OSBPL5: variants seen among roughly 807,000 people sequenced by gnomAD.
OSBPL5 encodes the protein oxysterol binding protein like 5.
Under a neutral mutation model 111.2 loss-of-function variants are expected in OSBPL5, and 71 were observed. The ratio of observed to expected loss-of-function variants is 0.64; its 90% CI spans 0.53 to 0.78. OSBPL5 has a LOEUF of 0.78. OSBPL5 is among the 30% of genes least tolerant of loss of function. The probability of loss-of-function intolerance (pLI) is 0.00; values close to 1 mark genes in which losing one functional copy is unlikely to be tolerated. For missense variants in OSBPL5, 1,210 were observed against 1,189.3 expected (o/e 1.02, Z -0.26); for synonymous variants, 549 against 513.9 (o/e 1.07, Z -0.93).
chr11:3,096,001 C>A (rs1218501644), intron 14 of OSBPL5, among the ~76,000 whole-genome samples: 1 of 151,652 alleles, frequency 6.6e-6, no homozygotes, highest in East Asian at 1.9e-4. Context: ...GAGATCAAAT[C>A]AATTCGTGGT....
chr11:3,092,674 C>T lies in OSBPL5; in HGVS notation c.2133-116G>A. 1 of 1,392,862 alleles carries T rather than the reference C, an allele frequency of 7.2e-7. No individual in the cohort carries two copies. Among genetic ancestry groups the T allele is most frequent in the Non-Finnish European group, 9.6e-7 (1 of 1,045,424 alleles). 86.3% of individuals were successfully genotyped at this position (1,392,862 alleles called of 1,614,324 possible). On this transcript the variant is annotated intron_variant, in intron 18 of 21. Coordinates refer to ENST00000263650, the MANE Select transcript of OSBPL5 (RefSeq NM_020896.4). This position sits in a 1 kb window ranked among gnomAD's most constrained non-coding sequence, Gnocchi z 5.4. ...CCAGAGACCTCCAGGAGAATGACCA[C>T]TGCCCACACCCCATGGGCAGGGCCT...
chr11:3,128,538 C>G (rs1858714173), intron 2 of OSBPL5, among the ~76,000 whole-genome samples: 1 of 152,196 alleles, frequency 6.6e-6, no homozygotes, highest in African/African-American at 2.4e-5. Flanking sequence ...TGCACGAAGG[C>G]AGGCCTGGTT....
rs770200561 is a variant in OSBPL5 at position 3,092,525 on chromosome 11, G to C, written c.2166C>G (p.Ala722=). 1.3e-6 allele frequency: 2 copies of C among 1,589,416 alleles called. No homozygotes were observed. The highest frequency in any genetic ancestry group is 2.3e-5 in the East Asian group (1 of 43,752). Reference sequence around the variant, plus strand: ...GCAGGATCCCGTCTTGCTCAAACTGGGCGATGTCCTTCAGGGGGTCCCAGG... The same window carrying C: ...GCAGGATCCCGTCTTGCTCAAACTGCGCGATGTCCTTCAGGGGGTCCCAGG... ...HSPWDPLKDI[A]QFEQDGILRT... The change falls in exon 19 of 22, where the codon GCC becomes GCG. Residue 722 remains alanine, a synonymous_variant. Coordinates refer to ENST00000263650, the MANE Select transcript of OSBPL5 (RefSeq NM_020896.4). The surrounding 1 kb of genome is among the most constrained non-coding windows in gnomAD (Gnocchi z 5.4).
In OSBPL5 at chr11:3,161,215, G is replaced by A. The variant is rs537198534; in HGVS notation, c.-22+4001C>T. On this transcript the variant is annotated intron_variant, in intron 1 of 21. Coordinates refer to ENST00000263650, the MANE Select transcript of OSBPL5 (RefSeq NM_020896.4). The surrounding 1 kb of genome is among the most constrained non-coding windows in gnomAD (Gnocchi z 8.0). Reference sequence around the variant, plus strand: ...CTTTCCCCTTCATCCTTGTCTTCGTGTCAGCAGGGTGAGAGGGGATCTATG... The same window carrying A: ...CTTTCCCCTTCATCCTTGTCTTCGTATCAGCAGGGTGAGAGGGGATCTATG... The A allele has an allele frequency of 6.6e-5, 10 of 152,368 alleles. No homozygotes were observed. In the South Asian group the frequency reaches 1.9e-3, roughly 28 times the overall value. The allele number at this position is 152,368 out of a possible 1,614,324, so 9.4% of individuals were successfully genotyped here. A position where few individuals can be genotyped will look rare whatever the true frequency, so the allele number is the denominator to read the frequency against.
chr11:3,104,460 G>A lies in OSBPL5; in HGVS notation c.1060-83C>T. 10 of 1,495,324 alleles carry A rather than the reference G, an allele frequency of 6.7e-6. 1 individual carries two copies. In the South Asian group the frequency reaches 1.2e-4, roughly 18 times the overall value. The allele number at this position is 1,495,324 out of a possible 1,614,324, so 92.6% of individuals were successfully genotyped here. ...CGGGACAGTGGCAGCTCTGGCTGGA[G>A]GAGGCTGTACCTGCCACCCCTTAGG... On this transcript the variant is annotated intron_variant, in intron 9 of 21. Transcript: ENST00000263650. The surrounding 1 kb of genome is among the most constrained non-coding windows in gnomAD (Gnocchi z 5.0).
chr11:3,091,758 G>A (rs925319866), intron 19 of OSBPL5, among the ~76,000 whole-genome samples: 1 of 152,188 alleles, frequency 6.6e-6, no homozygotes, highest in Admixed American at 6.5e-5. Context: ...CAGCTTGCTG[G>A]AGAAGTTAGG....
At chr11:3,088,450 G>T in intron 21 of OSBPL5, 107 bp from the exon 22 acceptor site, 1 of 1,267,280 alleles carries the variant, frequency 7.9e-7, no homozygotes. Context: ...TGGACACAGG[G>T]CCGAGGTGGA....
intron 1 of OSBPL5, among the ~76,000 whole-genome samples, chr11:3,143,419 T>G (rs1033800040): frequency 2.0e-5 from 3 of 152,170 alleles, no homozygotes; most frequent in Admixed American, 2.0e-4. Flanking sequence ...CCCAGCAGCA[T>G]GGCTCAGGGC....
chr11:3,126,600 G>T lies in OSBPL5; in HGVS notation c.137-45C>A. On this transcript the variant is annotated intron_variant, in intron 2 of 21. Coordinates refer to ENST00000263650, the MANE Select transcript of OSBPL5 (RefSeq NM_020896.4). The surrounding 1 kb of genome is among the most constrained non-coding windows in gnomAD (Gnocchi z 6.5). ...GTGAGGACCCAGGCATGGTGGCGTG[G>T]CCAGGCTTCTCAGGCCGCTGCCTGG... 1 of 1,539,418 alleles carries T rather than the reference G, an allele frequency of 6.5e-7. No homozygotes were observed. The highest frequency in any genetic ancestry group is 8.8e-7 in the Non-Finnish European group (1 of 1,136,330).
Position 3,161,046 on chromosome 11 carries a change from G to A in OSBPL5, c.-22+4170C>T, listed in dbSNP as rs188839951. ...TCCCCTGGCCTTGGATGAAGGGAAGGCGACCCCAGGCTGGTCACAACAGGC... is the reference window on the plus strand; with the variant it reads ...TCCCCTGGCCTTGGATGAAGGGAAGACGACCCCAGGCTGGTCACAACAGGC... On this transcript the variant is annotated intron_variant, in intron 1 of 21. Transcript: ENST00000263650. The surrounding 1 kb of genome is among the most constrained non-coding windows in gnomAD (Gnocchi z 8.0). 2.6e-5 allele frequency: 4 copies of A among 152,326 alleles called. No homozygotes were observed. The highest frequency in any genetic ancestry group is 2.6e-4 in the Admixed American group (4 of 15,314). 9.4% of individuals were successfully genotyped at this position (152,326 alleles called of 1,614,324 possible). A position where few individuals can be genotyped will look rare whatever the true frequency, so the allele number is the denominator to read the frequency against.
Position 3,093,824 on chromosome 11 carries a change from C to A in OSBPL5, c.1731G>T (p.Gly577=), listed in dbSNP as rs958833158. ...QLEFKLKPFF[G]GSTSINQISG... ...AGATCTGGTTGATGCTGGTGCTACC[C>A]CCGAAGAAGGGCTGCGGGGCCACAC... The change falls in exon 16 of 22, where the codon GGG becomes GGT. Residue 577 remains glycine, a synonymous_variant. Coordinates refer to ENST00000263650, the MANE Select transcript of OSBPL5 (RefSeq NM_020896.4). 2 of 1,612,174 alleles carry A rather than the reference C, an allele frequency of 1.2e-6. No homozygotes were observed. Among genetic ancestry groups the A allele is most frequent in the South Asian group, 1.1e-5 (1 of 91,040 alleles).
Position 3,126,872 on chromosome 11 carries a change from A to G in OSBPL5, c.137-317T>C, listed in dbSNP as rs1023885631. Among the ~76,000 whole-genome samples, 4 of 152,210 alleles carry G rather than the reference A, an allele frequency of 2.6e-5. No homozygotes were observed. The highest frequency in any genetic ancestry group is 9.7e-5 in the African/African-American group (4 of 41,444). On this transcript the variant is annotated intron_variant, in intron 2 of 21. Transcript: ENST00000263650. This position sits in a 1 kb window ranked among gnomAD's most constrained non-coding sequence, Gnocchi z 6.5. ...GCAATTGGGGGTCTGTGAAGGCCAG[A>G]GTCCCCAGTTTTCAGAAAAAGAATG...
rs1210097581 is a variant in OSBPL5, at chr11:3,104,429, G to C, written c.1060-52C>G. On this transcript the variant is annotated intron_variant, in intron 9 of 21. Transcript: ENST00000263650. The surrounding 1 kb of genome is among the most constrained non-coding windows in gnomAD (Gnocchi z 5.0). ...CCTGCCCGGAAGAGCCGGGAGGAAG[G>C]GGTGGCGGGACAGTGGCAGCTCTGG... The C allele has an allele frequency of 1.3e-6, 2 of 1,582,574 alleles. No homozygotes were observed. Among genetic ancestry groups the C allele is most frequent in the African/African-American group, 2.7e-5 (2 of 74,250 alleles).
intron 1 of OSBPL5, among the ~76,000 whole-genome samples, chr11:3,132,582 T>A (rs1306880138): frequency 6.6e-6 from 1 of 152,062 alleles, no homozygotes; most frequent in Non-Finnish European, 1.5e-5. Context: ...GCCCACTCTG[T>A]CGCCCACTCT....
chr11:3,112,244 T>G (rs1858021192), intron 7 of OSBPL5, among the ~76,000 whole-genome samples: 11 of 152,218 alleles, frequency 7.2e-5, no homozygotes, highest in Admixed American at 7.2e-4. Flanking sequence ...GAATTCTGTT[T>G]CTTGATTTAC....
chr11:3,145,889 G>A (rs895993585), intron 1 of OSBPL5, among the ~76,000 whole-genome samples: 10 of 152,164 alleles, frequency 6.6e-5, no homozygotes, highest in Non-Finnish European at 1.3e-4. Context: ...ACAACTCCAC[G>A]ACACTCCTAG....
intron 1 of OSBPL5, 121 bp from the exon 2 acceptor site, chr11:3,129,290 A>G: frequency 1.0e-6 from 1 of 992,830 alleles, no homozygotes; most frequent in Non-Finnish European, 1.4e-6. Flanking sequence ...AGGCAGGGTG[A>G]GGAGGGCCTG....
At chr11:3,148,182 C>G (rs1323085542) in intron 1 of OSBPL5, among the ~76,000 whole-genome samples, 2 of 152,222 alleles carry the variant, frequency 1.3e-5, no homozygotes, top group Non-Finnish European at 2.9e-5. Context: ...CCCCGGGGAG[C>G]AGGTCGGAAA....
At chr11:3,114,757 C>A (rs555742438) in intron 7 of OSBPL5, among the ~76,000 whole-genome samples, 2 of 151,752 alleles carry the variant, frequency 1.3e-5, no homozygotes, top group Admixed American at 1.3e-4. Context: ...CGCCACCACG[C>A]CTGGCTAATT....
Sources: gnomAD v4.1 joint callset for allele counts (sites outside exome capture counted in the v4.1 genomes callset) on GRCh38, gnomAD v4.1.1 for gene constraint, Gnocchi (gnomAD v3.1) non-coding constraint, MANE v1.5 for transcripts, NCBI Gene and HGNC (gene_info 2026-07-23, HGNC 2026-07-21) for gene names.